ANKRD30A: variants seen among roughly 807,000 people sequenced by gnomAD.
The protein encoded by ANKRD30A is ankyrin repeat domain-containing protein 30A.
ANKRD30A carries 170 observed loss-of-function variants against 166.3 expected under a neutral mutation model. That is an observed-to-expected ratio of 1.02 (90% CI 0.90 to 1.16). The LOEUF (loss-of-function observed/expected upper bound fraction) is 1.16. Among genes scored for constraint, ANKRD30A ranks in the 50% most tolerant of loss-of-function variants. ANKRD30A has a pLI of 0.00. For synonymous variants in ANKRD30A, 564 were observed against 508.9 expected (o/e 1.11, Z -1.46); for missense variants, 1,630 against 1,518.0 (o/e 1.07, Z -1.23).
intron 17 of ANKRD30A, among the ~76,000 whole-genome samples, chr10:37,164,408 A>G (rs1388738543): frequency 6.6e-6 from 1 of 151,248 alleles, no homozygotes; most frequent in Non-Finnish European, 1.5e-5. Flanking sequence ...TTTCCTATAC[A>G]TTTCTGATGT....
chr10:37,194,565 C>G (rs980638846), intron 27 of ANKRD30A, among the ~76,000 whole-genome samples: 1 of 151,926 alleles, frequency 6.6e-6, no homozygotes, highest in African/African-American at 2.4e-5. Context: ...TGGTCTGATC[C>G]GGATCTCCTG....
chr10:37,237,384 A>G (rs1009868530), downstream of ANKRD30A, among the ~76,000 whole-genome samples: 10 of 152,210 alleles, frequency 6.6e-5, no homozygotes, highest in Admixed American at 1.3e-4. Flanking sequence ...CATATTATAT[A>G]AAACAGAACA....
intron 15 of ANKRD30A, among the ~76,000 whole-genome samples, chr10:37,159,877 G>T (rs371614636): frequency 6.6e-6 from 1 of 152,064 alleles, no homozygotes; most frequent in Non-Finnish European, 1.5e-5. Flanking sequence ...TGTGTTTTTA[G>T]TAGAGACAGG....
chr10:37,167,426 C>T (rs996308019), intron 19 of ANKRD30A, among the ~76,000 whole-genome samples: 6 of 150,956 alleles, frequency 4.0e-5, no homozygotes, highest in African/African-American at 1.5e-4. Context: ...TTTATAAAAC[C>T]TCATTAGCAA....
the ANKRD30A span, among the ~76,000 whole-genome samples, chr10:37,250,953 C>A: frequency 2.0e-4 from 30 of 152,318 alleles, no homozygotes; most frequent in African/African-American, 7.0e-4. Context: ...TTTCTAGCAT[C>A]CCCTATAAGG....
Position 37,162,784 on chromosome 10 carries a change from T to G in ANKRD30A, c.1938T>G (p.Thr646=). The change falls in exon 17 of 36, where the codon ACT becomes ACG. Residue 646 remains threonine (T), a synonymous_variant. Transcript: ENST00000361713. ...CTTCCAACCCCATTTAGCCTGCCACTGAAATGCAAAAGTCTGTCCCAAATA... is the reference window on the plus strand; with the variant it reads ...CTTCCAACCCCATTTAGCCTGCCACGGAAATGCAAAAGTCTGTCCCAAATA... The part of the protein sequence containing the change: ...PGKPSAFEPA[T]EMQKSVPNKA... 1.2e-6 allele frequency: 2 copies of G among 1,613,770 alleles called. No individual in the cohort carries two copies. Among genetic ancestry groups the G allele is most frequent in the Non-Finnish European group, 8.5e-7 (1 of 1,179,806 alleles).
the ANKRD30A span, among the ~76,000 whole-genome samples, chr10:37,242,962 C>A: frequency 2.0e-5 from 3 of 152,092 alleles, no homozygotes; most frequent in Admixed American, 6.5e-5. Flanking sequence ...AAGCTGGCAT[C>A]GTGTTCTTTG....
At chr10:37,264,732 T>G in the ANKRD30A span, 2 of 166,088 alleles carry the variant, frequency 1.2e-5, no homozygotes, top group African/African-American at 4.8e-5. Context: ...TTTACAACTG[T>G]ATTGAGGTTT....
At chr10:37,129,842 G>A in intron 1 of ANKRD30A, 51 bp from the exon 2 acceptor site, 1 of 1,127,090 alleles carries the variant, frequency 8.9e-7, no homozygotes. Flanking sequence ...CTCATTGTAT[G>A]TTTTGGGACA....
the ANKRD30A span, chr10:37,248,134 C>G: frequency 1.6e-6 from 1 of 613,678 alleles, no homozygotes; most frequent in African/African-American, 1.8e-5. Flanking sequence ...ACCGCTATGC[C>G]TCCTTTCACT....
chr10:37,133,402 A>G (rs1836491544), intron 4 of ANKRD30A, among the ~76,000 whole-genome samples: 1 of 152,180 alleles, frequency 6.6e-6, no homozygotes, highest in Admixed American at 6.5e-5. Context: ...AAAGGAGAAT[A>G]ATAATATGTC....
At chr10:37,160,059 T>A (rs1838734452) in intron 15 of ANKRD30A, among the ~76,000 whole-genome samples, 1 of 152,214 alleles carries the variant, frequency 6.6e-6, no homozygotes, top group African/African-American at 2.4e-5. Flanking sequence ...AACTTCCTTG[T>A]TTGCTTATCG....
chr10:37,141,593 A>G (rs1837120585), intron 6 of ANKRD30A, 125 bp from the exon 7 acceptor site: 4 of 1,223,682 alleles, frequency 3.3e-6, no homozygotes, highest in South Asian at 1.6e-5. Flanking sequence ...AAAAAAAAAA[A>G]GAGAAAAGAA....
intron 18 of ANKRD30A, among the ~76,000 whole-genome samples, chr10:37,165,714 T>C (rs1328494108): frequency 6.6e-6 from 1 of 152,106 alleles, no homozygotes; most frequent in Non-Finnish European, 1.5e-5. Context: ...ATTGGTTGAG[T>C]AGTCTTTTGA....
At chr10:37,128,857 A>T (rs1431369438) in intron 1 of ANKRD30A, among the ~76,000 whole-genome samples, 1 of 152,150 alleles carries the variant, frequency 6.6e-6, no homozygotes, top group Admixed American at 6.5e-5. Context: ...CTAGTAAAAT[A>T]TAACTACCAA....
In ANKRD30A at chr10:37,179,190, C is replaced by T. The variant is rs1431045968; in HGVS notation, c.2421+2972C>T. Among the ~76,000 whole-genome samples the T allele has an allele frequency of 1.9e-4, 29 of 150,762 alleles. 2 individuals are homozygous for T. Among genetic ancestry groups the T allele is most frequent in the Non-Finnish European group, 3.7e-4 (25 of 67,400 alleles). On this transcript the variant is annotated intron_variant, in intron 24 of 35. Transcript: ENST00000361713. The stretch of plus-strand genomic sequence containing the variant: ...GTAAAATTGCCATTTTATAAAACCT[C>T]ATTAGTAAATAACATGCTACACGAA...
At chr10:37,223,334 T>G (rs1290439506) in intron 34 of ANKRD30A, among the ~76,000 whole-genome samples, 1 of 151,114 alleles carries the variant, frequency 6.6e-6, no homozygotes, top group Non-Finnish European at 1.5e-5. Flanking sequence ...AAAAAAAAAC[T>G]ATAAAAGAAT....
chr10:37,125,941 C>T lies in ANKRD30A; in HGVS notation c.154C>T (p.Arg52Trp), dbSNP rs1286557753. 3.7e-6 allele frequency: 6 copies of T among 1,611,976 alleles called. No homozygotes were observed. Among genetic ancestry groups the T allele is most frequent in the Non-Finnish European group, 5.1e-6 (6 of 1,179,874 alleles). ...IHKAASRGQV[R>W]KLEKMTKRKK... ...TAAAGCTGCCTCCCGGGGACAAGTC[C>T]GGAAGCTGGAGAAGATGACAAAGAG... Residue 52 changes from arginine to tryptophan, a missense_variant, in exon 1 of 36, where the codon CGG becomes TGG. Physicochemically the swap from Arg to Trp is moderately radical, Grantham distance 101. Coordinates refer to ENST00000361713, the MANE Select transcript of ANKRD30A (RefSeq NM_052997.3).
chr10:37,140,701 C>G (rs981577662), intron 6 of ANKRD30A, among the ~76,000 whole-genome samples: 1 of 152,098 alleles, frequency 6.6e-6, no homozygotes, highest in African/African-American at 2.4e-5. Context: ...TAGCTTAACT[C>G]TAGGCTCAAC....
Sources: allele counts gnomAD v4.1 joint callset (sites outside exome capture counted in the v4.1 genomes callset), GRCh38; gene constraint gnomAD v4.1.1; transcripts MANE v1.5; gene names NCBI Gene and HGNC (gene_info 2026-07-23, HGNC 2026-07-21).